The following MDFIC variants were observed in gnomAD, a reference collection of about 807,000 sequenced individuals.
The protein encoded by MDFIC is MyoD family inhibitor domain containing.
Under a neutral mutation model 23.2 loss-of-function variants are expected in MDFIC, and 17 were observed. The observed-to-expected ratio is 0.73, with a 90% CI of 0.50 to 1.10. The LOEUF (loss-of-function observed/expected upper bound fraction) is 1.10, where lower values mean the gene tolerates loss of function less well. MDFIC is among the 50% of genes least tolerant of loss of function. MDFIC has a pLI of 0.00. For missense variants in MDFIC, 356 were observed against 316.6 expected (o/e 1.12, Z -0.95); for synonymous variants, 120 against 115.2 (o/e 1.04, Z -0.27).
rs79079440 is a variant in MDFIC at position 114,951,465 on chromosome 7, T to C, written c.217+9068T>C. On this transcript the variant is annotated intron_variant, in intron 3 of 4. Transcript: ENST00000393486. ...ATTTAAAAAAAGACATATGTCAGTG[T>C]CTGTGTATATATAGATACATATGTA... is the stretch of plus-strand genomic sequence containing the variant. Among the ~76,000 whole-genome samples, 89 of 152,302 alleles carry C rather than the reference T, an allele frequency of 5.8e-4. No individual in the cohort carries two copies. In the East Asian group the frequency reaches 7.7e-3, roughly 13 times the overall value.
chr7:115,007,887 CAG>C (rs1258100395), intron 4 of MDFIC, among the ~76,000 whole-genome samples: 1 of 108,244 alleles, frequency 9.2e-6, no homozygotes, highest in Non-Finnish European at 1.8e-5. Context: ...TTGGTAGAAA[CAG>C]AGTTTTGTCA....
At chr7:114,978,523 GTTCT>G (rs1793357713) in intron 3 of MDFIC, among the ~76,000 whole-genome samples, 2 of 151,564 alleles carry the variant, frequency 1.3e-5, no homozygotes, top group South Asian at 4.2e-4. Flanking sequence ...TTGTTGGCTT[GTTCT>G]TTCTTTTTTT....
intron 3 of MDFIC, among the ~76,000 whole-genome samples, chr7:114,965,507 G>C (rs1398661113): frequency 6.6e-6 from 1 of 152,178 alleles, no homozygotes; most frequent in East Asian, 1.9e-4. Context: ...GATAAGAGAT[G>C]ATGAGGACTT....
intron 4 of MDFIC, among the ~76,000 whole-genome samples, chr7:115,001,926 C>T (rs1791473344): frequency 6.6e-6 from 1 of 152,138 alleles, no homozygotes; most frequent in Non-Finnish European, 1.5e-5. Context: ...CACCTGAGGT[C>T]GGGAGTTTGA....
Position 115,016,175 on chromosome 7 carries a change from C to T in MDFIC, c.*240C>T. On this transcript the variant is annotated 3_prime_UTR_variant, in exon 5 of 5. Coordinates refer to ENST00000393486, the MANE Select transcript of MDFIC (RefSeq NM_001166345.3). Reference sequence around the variant, plus strand: ...TTAATATGTTACAATAACTTAGGGACATTTTGACACCCCCCTTCCCAAATG... The same window carrying T: ...TTAATATGTTACAATAACTTAGGGATATTTTGACACCCCCCTTCCCAAATG... 4.7e-6 allele frequency: 2 copies of T among 426,034 alleles called. No homozygotes were observed. The highest frequency in any genetic ancestry group is 8.3e-6 in the Non-Finnish European group (2 of 239,722). The allele number at this position is 426,034 out of a possible 1,614,324, so 26.4% of individuals were successfully genotyped here. A position where few individuals can be genotyped will look rare whatever the true frequency, so the allele number is the denominator to read the frequency against.
chr7:114,988,242 A>T (rs529005633), intron 4 of MDFIC, among the ~76,000 whole-genome samples: 1 of 152,306 alleles, frequency 6.6e-6, no homozygotes, highest in East Asian at 1.9e-4. Context: ...ATACAGATAG[A>T]TTGGCCAGGA....
intron 4 of MDFIC, among the ~76,000 whole-genome samples, chr7:114,990,431 A>C (rs1009340817): frequency 1.3e-5 from 2 of 151,808 alleles, no homozygotes; most frequent in African/African-American, 4.8e-5. Context: ...TACATGTGCC[A>C]TGTTGGTGTG....
At chr7:114,941,668 C>T (rs1585095743) in intron 2 of MDFIC, among the ~76,000 whole-genome samples, 1 of 152,098 alleles carries the variant, frequency 6.6e-6, no homozygotes, top group Non-Finnish European at 1.5e-5. Context: ...CTTATGTGCC[C>T]CAAAGACTTT....
intron 4 of MDFIC, among the ~76,000 whole-genome samples, chr7:114,993,335 TTG>T (rs1791233428): frequency 6.6e-6 from 1 of 152,190 alleles, no homozygotes; most frequent in Non-Finnish European, 1.5e-5. Context: ...GAAGAGTTTT[TTG>T]TGTCTCTATC....
chr7:114,996,877 G>A (rs1185227548), intron 4 of MDFIC, among the ~76,000 whole-genome samples: 2 of 152,178 alleles, frequency 1.3e-5, no homozygotes, highest in Non-Finnish European at 2.9e-5. Flanking sequence ...TAAGCCCTGG[G>A]CCATTATGCC....
chr7:114,964,290 G>C (rs531655863), intron 3 of MDFIC, among the ~76,000 whole-genome samples: 51 of 152,252 alleles, frequency 3.3e-4, no homozygotes, highest in South Asian at 1.9e-3. Flanking sequence ...ACTTGCTACA[G>C]GTTTTAAAAA....
In MDFIC at chr7:114,969,585, T is replaced by C. The variant is rs1256436421; in HGVS notation, c.218-9921T>C. On this transcript the variant is annotated intron_variant, in intron 3 of 4. Transcript: ENST00000393486. ...ATACTTTATTTTTGTGAAGGGTTCA[T>C]GTCAGTAAATTGAGGTCCCAGACGC... 2.0e-5 allele frequency among the ~76,000 whole-genome samples: 3 copies of C among 152,228 alleles called. No homozygotes were observed. The East Asian group carries it at 5.8e-4, about 29-fold the overall frequency.
At chr7:114,950,388 G>A (rs1019180850) in intron 3 of MDFIC, among the ~76,000 whole-genome samples, 19 of 152,112 alleles carry the variant, frequency 1.2e-4, no homozygotes, top group Admixed American at 1.1e-3. Flanking sequence ...ATGAAATGAC[G>A]GTGGAGCAAA....
At chr7:114,997,429 C>T (rs112758199) in intron 4 of MDFIC, among the ~76,000 whole-genome samples, 26 of 151,048 alleles carry the variant, frequency 1.7e-4, no homozygotes, top group South Asian at 4.2e-4. Context: ...TGTGTGTGCG[C>T]GCGTGTGTTT....
At chr7:114,998,891 ATGTCGAGGGGTG>A (rs1286870193) in intron 4 of MDFIC, among the ~76,000 whole-genome samples, 1 of 152,156 alleles carries the variant, frequency 6.6e-6, no homozygotes, top group East Asian at 1.9e-4. Context: ...GGTACCACTT[ATGTCGAGGGGTG>A]TGACTGTTTT....
chr7:114,922,228 C>A lies in MDFIC; in HGVS notation c.-516C>A. On this transcript the variant is annotated 5_prime_UTR_variant, in exon 1 of 5. Coordinates refer to ENST00000393486, the MANE Select transcript of MDFIC (RefSeq NM_001166345.3). ...TCGCGCGGCCGAGCCCGGGTCGCGC[C>A]GCTCCCAGCATCGGGGCCGCTAGCC... is the stretch of plus-strand genomic sequence containing the variant. 1 of 530,636 alleles carries A rather than the reference C, an allele frequency of 1.9e-6. No individual in the cohort carries two copies. The highest frequency in any genetic ancestry group is 2.9e-6 in the Non-Finnish European group (1 of 348,620). The allele number at this position is 530,636 out of a possible 1,614,324, so 32.9% of individuals were successfully genotyped here. A position where few individuals can be genotyped will look rare whatever the true frequency, so the allele number is the denominator to read the frequency against.
chr7:114,964,844 G>A (rs766678840), intron 3 of MDFIC, among the ~76,000 whole-genome samples: 59 of 152,030 alleles, frequency 3.9e-4, no homozygotes, highest in Non-Finnish European at 6.8e-4. Context: ...CCACCATGCC[G>A]GGCCCCTTGA....
intron 2 of MDFIC, among the ~76,000 whole-genome samples, chr7:114,932,707 C>G (rs546410000): frequency 2.0e-5 from 3 of 152,092 alleles, no homozygotes; most frequent in African/African-American, 7.2e-5. Context: ...GAGGAGAATC[C>G]GAAGAACTCA....
chr7:114,979,801 A>G lies in MDFIC; in HGVS notation c.493+20A>G. ...CTGAAGGTAAGTTTGAGATATATGT[A>G]GATTTTATTTGACCAGATGTAAAAT... On this transcript the variant is annotated intron_variant, in intron 4 of 4. Coordinates refer to ENST00000393486, the MANE Select transcript of MDFIC (RefSeq NM_001166345.3). 6.2e-7 allele frequency: 1 copy of G among 1,606,500 alleles called. No homozygotes were observed. Among genetic ancestry groups the G allele is most frequent in the Non-Finnish European group, 8.5e-7 (1 of 1,174,268 alleles).
Sources: gnomAD v4.1 joint callset for allele counts (sites outside exome capture counted in the v4.1 genomes callset) on GRCh38, gnomAD v4.1.1 for gene constraint, MANE v1.5 for transcripts, NCBI Gene and HGNC (gene_info 2026-07-23, HGNC 2026-07-21) for gene names.